ILDR1: variants seen among roughly 807,000 people sequenced by gnomAD.
ILDR1 encodes immunoglobulin-like domain-containing receptor 1.
Under a neutral mutation model 62.4 loss-of-function variants are expected in ILDR1, and 56 were observed. The observed-to-expected ratio is 0.90, with a 90% CI of 0.72 to 1.12. The LOEUF is 1.12. ILDR1 is among the 50% of genes most tolerant of loss of function. The pLI, the probability that ILDR1 is intolerant of heterozygous loss-of-function variation, is 0.00. For missense variants in ILDR1, 736 were observed against 710.6 expected, an observed-to-expected ratio of 1.04 and a Z score of -0.41; for synonymous variants, 284 against 277.8, an observed-to-expected ratio of 1.02 and a Z score of -0.22.
chr3:122,006,488 C>G (rs12486849), intron 2 of ILDR1, among the ~76,000 whole-genome samples: 1 of 151,918 alleles, frequency 6.6e-6, no homozygotes, highest in Admixed American at 6.5e-5. Context: ...AAAGGGCTGC[C>G]TGGGGGGGCA....
At chr3:122,029,511 A>ATATATATATATAT in the ILDR1 span, among the ~76,000 whole-genome samples, 476 of 139,436 alleles carry the variant, frequency 3.4e-3, 2 homozygotes, top group African/African-American at 0.012. Context: ...GTCTAAAAAA[A>ATATATATATATAT]ATATATATAT....
intron 3 of ILDR1, among the ~76,000 whole-genome samples, chr3:122,002,769 C>T (rs919916937): frequency 1.1e-4 from 16 of 152,126 alleles, no homozygotes; most frequent in African/African-American, 3.6e-4. Context: ...CTCCCTCCTA[C>T]ATCCCCACAC....
chr3:122,012,227 T>C (rs1317504838), intron 1 of ILDR1, among the ~76,000 whole-genome samples: 1 of 152,174 alleles, frequency 6.6e-6, no homozygotes, highest in Non-Finnish European at 1.5e-5. Context: ...AGGCTGAAAA[T>C]GTGAACAGGA....
intron 1 of ILDR1, among the ~76,000 whole-genome samples, chr3:122,013,473 C>A (rs2071732650): frequency 6.6e-6 from 1 of 152,072 alleles, no homozygotes; most frequent in Admixed American, 6.6e-5. Flanking sequence ...TACAAGCACC[C>A]TGACTCCATG....
Position 122,005,265 on chromosome 3 carries a change from G to GCTGCC in ILDR1, c.353_357dup (p.Arg120GlyfsTer14). On this transcript the variant is annotated frameshift_variant, in exon 3 of 8. Coordinates refer to ENST00000344209, the MANE Select transcript of ILDR1 (RefSeq NM_001199799.2). LOFTEE classifies it high-confidence loss of function. ...TCACGGTTCTGGATGGTGATCTTGC[G>GCTGCC]CTGCCGGTAATCTACCCCCAGCACG... 1 of 1,611,140 alleles carries GCTGCC rather than the reference G, an allele frequency of 6.2e-7. No individual in the cohort carries two copies. The highest frequency in any genetic ancestry group is 1.7e-5 in the Admixed American group (1 of 59,734).
At chr3:122,044,395 CT>C in the ILDR1 span, among the ~76,000 whole-genome samples, 1 of 137,618 alleles carries the variant, frequency 7.3e-6, no homozygotes, top group Admixed American at 7.1e-5. Context: ...GGTTGTGTCT[CT>C]GCCCGGCTTT....
At chr3:122,027,920 G>T in the ILDR1 span, among the ~76,000 whole-genome samples, 1 of 152,154 alleles carries the variant, frequency 6.6e-6, no homozygotes, top group African/African-American at 2.4e-5. Flanking sequence ...ATCTGAAATT[G>T]GAAGGGACAG....
chr3:122,036,780 T>C, the ILDR1 span, among the ~76,000 whole-genome samples: 1 of 152,202 alleles, frequency 6.6e-6, no homozygotes, highest in Non-Finnish European at 1.5e-5. Context: ...TTTCAGAGAC[T>C]TTCATAGCAG....
intron 5 of ILDR1, among the ~76,000 whole-genome samples, chr3:121,995,359 C>T (rs2107647426): frequency 6.6e-6 from 1 of 152,242 alleles, no homozygotes; most frequent in African/African-American, 2.4e-5. Context: ...TGTGGCCACC[C>T]CTAAAACAGC....
the ILDR1 span, among the ~76,000 whole-genome samples, chr3:122,037,938 GTC>G: frequency 1.3e-5 from 2 of 151,026 alleles, no homozygotes; most frequent in African/African-American, 4.9e-5. Flanking sequence ...CTCTCTCTCT[GTC>G]TCTCTGTCTC....
rs146697721 is a variant in ILDR1, at chr3:121,993,584, C to T, written c.1165G>A (p.Ala389Thr). ...GGGTCCAACTCCCTTCTTTCCAATG[C>T]CCAAGACTTTGGCCCCCGGTCCTGG... ...ELQDRGPKSW[A>T]LERRELDPSW... is the part of the protein sequence containing the mutation. Residue 389 changes from alanine to threonine, a missense_variant, in exon 7 of 8, where the codon GCA becomes ACA. By Grantham distance (58) the Ala-to-Thr change is moderately conservative. Coordinates refer to ENST00000344209, the MANE Select transcript of ILDR1 (RefSeq NM_001199799.2). 4.0e-5 allele frequency: 64 copies of T among 1,614,256 alleles called. No homozygotes were observed. The African/African-American group carries it at 7.9e-4, about 20-fold the overall frequency.
intron 3 of ILDR1, among the ~76,000 whole-genome samples, chr3:122,004,881 C>T (rs1304150454): frequency 6.6e-6 from 1 of 152,160 alleles, no homozygotes; most frequent in Admixed American, 6.5e-5. Context: ...CGGAAGGAAA[C>T]TCAGGGACCT....
upstream of ILDR1, among the ~76,000 whole-genome samples, chr3:122,025,907 T>A (rs1283846748): frequency 6.6e-6 from 1 of 152,192 alleles, no homozygotes; most frequent in Non-Finnish European, 1.5e-5. Context: ...AATATAGATA[T>A]ACTCAATAAA....
chr3:122,008,593 CTTTT>C (rs10546593), intron 1 of ILDR1, among the ~76,000 whole-genome samples: 36 of 80,102 alleles, frequency 4.5e-4, no homozygotes, highest in Admixed American at 8.9e-4. Flanking sequence ...CTTTTCTTTT[CTTTT>C]TTTTTTTTTT....
At position 121,988,403 on chromosome 3, in the gene ILDR1, T is replaced by C; in HGVS notation, c.1605A>G (p.Lys535=). ...CACTCCTTCCACTATGAGAGCTGTC[T>C]TTCTCCTGGGAAATAGAAGAATACA... The part of the protein sequence containing the change: ...KKGSVERRSE[K]DSSHSGRSVV... Residue 535 remains lysine, a synonymous_variant, in exon 8 of 8, where the codon AAA becomes AAG. Coordinates refer to ENST00000344209, the MANE Select transcript of ILDR1 (RefSeq NM_001199799.2). The C allele has an allele frequency of 1.2e-6, 2 of 1,613,480 alleles. No individual in the cohort carries two copies. Among genetic ancestry groups the C allele is most frequent in the Non-Finnish European group, 8.5e-7 (1 of 1,179,460 alleles).
intron 7 of ILDR1, among the ~76,000 whole-genome samples, chr3:121,989,654 T>A (rs1395561821): frequency 6.6e-6 from 1 of 152,216 alleles, no homozygotes; most frequent in Non-Finnish European, 1.5e-5. Flanking sequence ...TTTTGCCCCT[T>A]ATATTTCTGA....
rs1269538361 is a variant in ILDR1 at position 121,988,110 on chromosome 3, A to T, written c.*257T>A. On this transcript the variant is annotated 3_prime_UTR_variant, in exon 8 of 8. Coordinates refer to ENST00000344209, the MANE Select transcript of ILDR1 (RefSeq NM_001199799.2). ...ATATTTTTTGTAGAGACGGGGTCTC[A>T]CTATGTTTCCCAGGCTGATCTTGAA... 1.8e-6 allele frequency: 1 copy of T among 566,594 alleles called. No homozygotes were observed. The highest frequency in any genetic ancestry group is 3.3e-6 in the Non-Finnish European group (1 of 302,622). The allele number at this position is 566,594 out of a possible 1,614,324, so 35.1% of individuals were successfully genotyped here. A position where few individuals can be genotyped will look rare whatever the true frequency, so the allele number is the denominator to read the frequency against.
chr3:122,007,728 CCA>C (rs1491086340), intron 1 of ILDR1, among the ~76,000 whole-genome samples: 2,114 of 152,282 alleles, frequency 0.014, 48 homozygotes, highest in African/African-American at 0.049. Context: ...GAGCACTCTT[CCA>C]CATCACCTGC....
chr3:122,050,165 G>C, the ILDR1 span, among the ~76,000 whole-genome samples: 6,521 of 152,210 alleles, frequency 0.043, 193 homozygotes, highest in South Asian at 0.075. Flanking sequence ...TAAATCTAAA[G>C]TGAATCTTGT....
Sources: allele counts gnomAD v4.1 joint callset (sites outside exome capture counted in the v4.1 genomes callset), GRCh38; gene constraint gnomAD v4.1.1; transcripts MANE v1.5; gene names NCBI Gene and HGNC (gene_info 2026-07-23, HGNC 2026-07-21).